Variants in CLPB observed in about 807,000 individuals in gnomAD.
The protein encoded by CLPB is ClpB family mitochondrial disaggregase.
CLPB carries 40 observed loss-of-function variants against 78.4 expected under a neutral mutation model. The ratio of observed to expected loss-of-function variants is 0.51; its 90% CI spans 0.40 to 0.66. The LOEUF is 0.66. Ranked by LOEUF, CLPB falls within the 30% of genes least tolerant of loss-of-function variation. CLPB has a pLI of 0.00. For synonymous variants in CLPB, 333 were observed against 348.0 expected (o/e 0.96, Z 0.48); for missense variants, 780 against 886.9 (o/e 0.88, Z 1.53).
intron 5 of CLPB, among the ~76,000 whole-genome samples, chr11:72,347,958 T>C (rs552318851): frequency 6.6e-6 from 1 of 152,318 alleles, no homozygotes; most frequent in African/African-American, 2.4e-5. Context: ...AGACATAGAA[T>C]GTGGGCAGCC....
At chr11:72,427,043 G>A (rs1422181421) in intron 2 of CLPB, among the ~76,000 whole-genome samples, 1 of 152,254 alleles carries the variant, frequency 6.6e-6, no homozygotes, top group Non-Finnish European at 1.5e-5. Flanking sequence ...GCTCTGTAAG[G>A]AAAGCAGCAC....
chr11:72,380,871 G>A (rs1854890076), intron 3 of CLPB, among the ~76,000 whole-genome samples: 1 of 152,172 alleles, frequency 6.6e-6, no homozygotes, highest in African/African-American at 2.4e-5. Flanking sequence ...GGGCCAGTCT[G>A]CTGAGAAAAA....
intron 4 of CLPB, among the ~76,000 whole-genome samples, chr11:72,361,396 G>A (rs1018450398): frequency 8.5e-5 from 13 of 152,140 alleles, no homozygotes; most frequent in African/African-American, 1.7e-4. Context: ...TAAGAGAGCC[G>A]TTTAGGACCT....
chr11:72,404,000 G>A (rs1390301215), intron 2 of CLPB, among the ~76,000 whole-genome samples: 1 of 152,144 alleles, frequency 6.6e-6, no homozygotes, highest in Non-Finnish European at 1.5e-5. Context: ...CAGGGATAAG[G>A]TAACAGGCTC....
rs1949470940 is a variant in CLPB, at chr11:72,292,696, C to T, written c.*671G>A. ...AGTCAGGCCTCCTCCTGGAGGTGCC[C>T]AACACTGGCCTAGTCCCCAAGGCTG... is the stretch of plus-strand genomic sequence containing the variant. On this transcript the variant is annotated 3_prime_UTR_variant, in exon 16 of 16. Transcript: ENST00000538039. 1.3e-5 allele frequency: 2 copies of T among 152,500 alleles called. No homozygotes were observed. Among genetic ancestry groups the T allele is most frequent in the South Asian group, 4.1e-4 (2 of 4,828 alleles). The allele number at this position is 152,500 out of a possible 1,614,324, so 9.4% of individuals were successfully genotyped here.
chr11:72,420,319 C>T (rs1374421428), intron 2 of CLPB, among the ~76,000 whole-genome samples: 1 of 152,172 alleles, frequency 6.6e-6, no homozygotes, highest in Non-Finnish European at 1.5e-5. Context: ...CATGGTGAAA[C>T]TCCGTCTCTA....
intron 3 of CLPB, among the ~76,000 whole-genome samples, chr11:72,389,668 A>G (rs1230213307): frequency 2.6e-5 from 4 of 152,210 alleles, no homozygotes; most frequent in Non-Finnish European, 5.9e-5. Flanking sequence ...GCTCATACCT[A>G]TAATTCCAGC....
chr11:72,295,741 C>T (rs1949540737), intron 11 of CLPB, 93 bp from the exon 12 acceptor site: 5 of 1,267,602 alleles, frequency 3.9e-6, no homozygotes, highest in Non-Finnish European at 5.5e-6. Flanking sequence ...AGGAGGCCTC[C>T]CCAGAGCCCT....
chr11:72,374,761 A>C (rs1951108774), intron 4 of CLPB, among the ~76,000 whole-genome samples: 1 of 152,204 alleles, frequency 6.6e-6, no homozygotes, highest in Non-Finnish European at 1.5e-5. Flanking sequence ...GATACCTTTT[A>C]GTTTTCTTGC....
intron 5 of CLPB, among the ~76,000 whole-genome samples, chr11:72,357,813 G>A (rs1950749099): frequency 6.6e-6 from 1 of 151,988 alleles, no homozygotes; most frequent in South Asian, 2.1e-4. Context: ...GGGTTCTGCT[G>A]GAAGAGAGGC....
intron 2 of CLPB, among the ~76,000 whole-genome samples, chr11:72,428,072 A>G (rs1327304262): frequency 6.6e-6 from 1 of 152,064 alleles, no homozygotes; most frequent in African/African-American, 2.4e-5. Context: ...AGGAAGAACT[A>G]TAACTGGTGG....
intron 5 of CLPB, among the ~76,000 whole-genome samples, chr11:72,350,275 C>T (rs1451496003): frequency 6.6e-6 from 1 of 151,988 alleles, no homozygotes; most frequent in Non-Finnish European, 1.5e-5. Context: ...TTGGACTAGA[C>T]TGCTGGATCC....
At chr11:72,363,302 T>C (rs1950876874) in intron 4 of CLPB, 1 of 152,150 alleles carries the variant, frequency 6.6e-6, no homozygotes, top group Admixed American at 6.5e-5. Flanking sequence ...CAGCAGTTTC[T>C]TGTTTGACAG....
At chr11:72,380,444 C>T (rs1854875232) in intron 3 of CLPB, 60 bp from the exon 4 acceptor site, 4 of 1,350,726 alleles carry the variant, frequency 3.0e-6, no homozygotes, top group African/African-American at 1.4e-5. Context: ...AGGTACAGAC[C>T]CAGATCCGGA....
At position 72,289,577 on chromosome 11, in the gene CLPB, T is replaced by G. The variant is rs1949427921; in HGVS notation, c.*3790A>C. On this transcript the variant is annotated 3_prime_UTR_variant, in exon 16 of 16. Coordinates refer to ENST00000538039, the MANE Select transcript of CLPB (RefSeq NM_001258392.3). ...ATCTAAACTCATGATTTTTATTTAT[T>G]TTTAAAAATATGAAACGGAGTCTTG... The G allele has an allele frequency of 6.6e-6, 1 of 152,230 alleles. No individual in the cohort carries two copies. The highest frequency in any genetic ancestry group is 1.5e-5 in the Non-Finnish European group (1 of 68,048). 9.4% of individuals were successfully genotyped at this position (152,230 alleles called of 1,614,324 possible).
At chr11:72,382,550 G>A (rs1854948826) in intron 3 of CLPB, among the ~76,000 whole-genome samples, 1 of 151,992 alleles carries the variant, frequency 6.6e-6, no homozygotes, top group Non-Finnish European at 1.5e-5. Context: ...GTCCACTCCA[G>A]TGGGCCCAGG....
intron 10 of CLPB, 71 bp downstream of exon 10, chr11:72,302,233 T>A (rs907551428): frequency 1.1e-5 from 17 of 1,502,326 alleles, no homozygotes; most frequent in Non-Finnish European, 1.5e-5. Flanking sequence ...GAGGCCCAAA[T>A]GACAAGACCC....
chr11:72,333,510 A>G (rs1227244032), intron 5 of CLPB, among the ~76,000 whole-genome samples: 1 of 152,210 alleles, frequency 6.6e-6, no homozygotes, highest in Non-Finnish European at 1.5e-5. Flanking sequence ...ACCACTTTTC[A>G]GGTTTTCTTC....
At chr11:72,389,401 C>T (rs1329766908) in intron 3 of CLPB, among the ~76,000 whole-genome samples, 1 of 152,244 alleles carries the variant, frequency 6.6e-6, no homozygotes, top group Non-Finnish European at 1.5e-5. Context: ...TGTTCTGATG[C>T]TGGCATACTG....
Sources: allele counts gnomAD v4.1 joint callset (sites outside exome capture counted in the v4.1 genomes callset), GRCh38; gene constraint gnomAD v4.1.1; transcripts MANE v1.5; gene names NCBI Gene and HGNC (gene_info 2026-07-23, HGNC 2026-07-21).